The following DENND1B variants were observed in gnomAD, a reference collection of about 807,000 sequenced individuals.
The protein encoded by DENND1B is DENN domain containing 1B.
In DENND1B, 59 loss-of-function variants were observed where a neutral mutation model predicts 90.1. That is an observed-to-expected ratio of 0.65 (90% CI 0.53 to 0.81). The LOEUF is 0.81. Ranked by LOEUF, DENND1B falls within the 40% of genes least tolerant of loss-of-function variation. DENND1B has a pLI of 0.00. For synonymous variants in DENND1B, 337 were observed against 324.6 expected (o/e 1.04, Z -0.41); for missense variants, 862 against 912.6 (o/e 0.94, Z 0.71).
At chr1:197,564,436 G>C (rs1389834754) in intron 15 of DENND1B, among the ~76,000 whole-genome samples, 1 of 121,190 alleles carries the variant, frequency 8.3e-6, no homozygotes, top group Non-Finnish European at 1.7e-5. Context: ...TTTGTTAAAA[G>C]CTCAGATTAT....
intron 3 of DENND1B, among the ~76,000 whole-genome samples, chr1:197,704,199 C>A (rs969581415): frequency 9.9e-5 from 15 of 152,022 alleles, no homozygotes; most frequent in African/African-American, 2.7e-4. Flanking sequence ...AGTCTGGGAG[C>A]CAGTCATGAG....
chr1:197,623,860 C>T (rs989584215), intron 10 of DENND1B, among the ~76,000 whole-genome samples: 2 of 151,532 alleles, frequency 1.3e-5, no homozygotes, highest in African/African-American at 4.8e-5. Flanking sequence ...TAAATAATTA[C>T]ATATAAATCT....
At chr1:197,716,688 A>T (rs1454917092) in intron 2 of DENND1B, among the ~76,000 whole-genome samples, 1 of 151,918 alleles carries the variant, frequency 6.6e-6, no homozygotes, top group Non-Finnish European at 1.5e-5. Flanking sequence ...CTACATAAAC[A>T]AATCCTCATG....
At chr1:197,558,679 T>C (rs902930035) in intron 15 of DENND1B, among the ~76,000 whole-genome samples, 4 of 151,838 alleles carry the variant, frequency 2.6e-5, no homozygotes, top group East Asian at 3.9e-4. Context: ...GATCTTAAAG[T>C]ACTGTGACAG....
chr1:197,650,719 C>T (rs1653046626), intron 7 of DENND1B, among the ~76,000 whole-genome samples: 1 of 152,100 alleles, frequency 6.6e-6, no homozygotes, highest in Admixed American at 6.5e-5. Context: ...TTTGCAGCGA[C>T]CTGGATGAGA....
At chr1:197,575,774 C>T (rs1241856175) in intron 15 of DENND1B, among the ~76,000 whole-genome samples, 1 of 152,142 alleles carries the variant, frequency 6.6e-6, no homozygotes, top group African/African-American at 2.4e-5. Flanking sequence ...GAGTTCATGT[C>T]CTTTGCAGGG....
chr1:197,723,671 C>T (rs1281017995), intron 2 of DENND1B, among the ~76,000 whole-genome samples: 2 of 152,104 alleles, frequency 1.3e-5, no homozygotes, highest in East Asian at 1.9e-4. Flanking sequence ...ACCTTTGAGT[C>T]AGCTAAGATC....
chr1:197,566,360 G>T (rs1028263951), intron 15 of DENND1B, among the ~76,000 whole-genome samples: 7 of 151,750 alleles, frequency 4.6e-5, no homozygotes, highest in African/African-American at 1.5e-4. Flanking sequence ...TTGTAAATTT[G>T]TTTGAGTTCA....
At chr1:197,684,975 G>A (rs537068229) in intron 3 of DENND1B, among the ~76,000 whole-genome samples, 10 of 151,972 alleles carry the variant, frequency 6.6e-5, no homozygotes, top group African/African-American at 2.2e-4. Flanking sequence ...AAAATTAGCT[G>A]GGTGTGGCAG....
At position 197,536,131 on chromosome 1, in the gene DENND1B, AGAGAGATT is replaced by A. The variant is rs1244456583; in HGVS notation, c.1515+3825_1515+3832del. 4.2e-3 allele frequency among the ~76,000 whole-genome samples: 569 copies of A among 136,502 alleles called. 5 individuals carry two copies. Among genetic ancestry groups the A allele is most frequent in the African/African-American group, 0.015 (539 of 36,838 alleles). 89.6% of individuals were successfully genotyped at this position (136,502 alleles called of 152,430 possible). On this transcript the variant is annotated intron_variant, in intron 20 of 22. Transcript: ENST00000620048. ...GACGGAGGGAGGGAGAGAGGGAGAG[AGAGAGATT>A]GAGAGAGAGAGAGAGAGAGATAGAT...
chr1:197,519,983 T>C (rs777512107), intron 20 of DENND1B, among the ~76,000 whole-genome samples: 1 of 151,766 alleles, frequency 6.6e-6, no homozygotes, highest in Non-Finnish European at 1.5e-5. Flanking sequence ...GGGGAAATCA[T>C]AGATTTAGCA....
At position 197,512,973 on chromosome 1, in the gene DENND1B, A is replaced by C. The variant is rs757328942; in HGVS notation, c.1516-20T>G. On this transcript the variant is annotated intron_variant, in intron 20 of 22. Coordinates refer to ENST00000620048, the MANE Select transcript of DENND1B (RefSeq NM_001195215.2). ...GCGTGCCTGGAGAGAGAGATTGACA[A>C]TAAATTGGCATTAGCAGTTTAAAAT... 6.3e-7 allele frequency: 1 copy of C among 1,593,258 alleles called. No homozygotes were observed. Among genetic ancestry groups the C allele is most frequent in the East Asian group, 2.2e-5 (1 of 44,450 alleles).
intron 13 of DENND1B, 78 bp downstream of exon 13, chr1:197,606,995 A>C (rs752404373): frequency 1.9e-6 from 2 of 1,034,404 alleles, no homozygotes; most frequent in Admixed American, 2.0e-5. Flanking sequence ...AGATATTAAA[A>C]GTGGGAAAAA....
At chr1:197,707,277 C>T (rs1320537370) in intron 3 of DENND1B, among the ~76,000 whole-genome samples, 1 of 151,998 alleles carries the variant, frequency 6.6e-6, no homozygotes, top group Non-Finnish European at 1.5e-5. Flanking sequence ...GGGCTTGGGG[C>T]TGATAGCCAG....
chr1:197,526,864 T>G (rs1480350477), intron 20 of DENND1B, among the ~76,000 whole-genome samples: 1 of 152,204 alleles, frequency 6.6e-6, no homozygotes, highest in African/African-American at 2.4e-5. Context: ...TCTCAATGTG[T>G]ATTCTGTTGT....
In DENND1B at chr1:197,616,480, G is replaced by A. The variant is rs936413768; in HGVS notation, c.773+1179C>T. 2.0e-5 allele frequency among the ~76,000 whole-genome samples: 3 copies of A among 151,042 alleles called. No homozygotes were observed. The South Asian group carries it at 6.2e-4, about 31-fold the overall frequency. Reference sequence around the variant, plus strand: ...GTTTCTCCTTTCTAGTTCTCAAACAGCATAATAGCAATGGTAGGTCACTGG... The same window carrying A: ...GTTTCTCCTTTCTAGTTCTCAAACAACATAATAGCAATGGTAGGTCACTGG... On this transcript the variant is annotated intron_variant, in intron 11 of 22. Coordinates refer to ENST00000620048, the MANE Select transcript of DENND1B (RefSeq NM_001195215.2).
intron 3 of DENND1B, among the ~76,000 whole-genome samples, chr1:197,686,050 C>T (rs1397127577): frequency 6.6e-6 from 1 of 152,058 alleles, no homozygotes; most frequent in African/African-American, 2.4e-5. Context: ...AGAGCCCTCA[C>T]CAAATAGCAA....
intron 12 of DENND1B, among the ~76,000 whole-genome samples, chr1:197,611,601 G>A (rs1014655991): frequency 4.0e-5 from 6 of 150,438 alleles, no homozygotes; most frequent in Non-Finnish European, 7.5e-5. Flanking sequence ...CAAAATATAG[G>A]TCTGAAAAAG....
intron 2 of DENND1B, among the ~76,000 whole-genome samples, chr1:197,770,437 G>A (rs1373386505): frequency 6.6e-6 from 1 of 151,916 alleles, no homozygotes. Flanking sequence ...GAAGAAGGGA[G>A]TAAACCACTC....
Sources: gnomAD v4.1 joint callset for allele counts (sites outside exome capture counted in the v4.1 genomes callset) on GRCh38, gnomAD v4.1.1 for gene constraint, MANE v1.5 for transcripts, NCBI Gene and HGNC (gene_info 2026-07-23, HGNC 2026-07-21) for gene names.